The following BTBD1 variants were observed in gnomAD, a reference collection of about 807,000 sequenced individuals.
The protein encoded by BTBD1 is BTB domain containing 1.
Under a neutral mutation model 48.0 loss-of-function variants are expected in BTBD1, and 34 were observed. The ratio of observed to expected loss-of-function variants is 0.71; its 90% CI spans 0.54 to 0.94. The LOEUF is 0.94. Among genes scored for constraint, BTBD1 ranks in the 40% least tolerant of loss-of-function variants. The pLI, the probability that BTBD1 is intolerant of heterozygous loss-of-function variation, is 0.00. For missense variants in BTBD1, 543 were observed against 625.6 expected (o/e 0.87, Z 1.41); for synonymous variants, 261 against 242.1 (o/e 1.08, Z -0.72).
intron 6 of BTBD1, chr15:83,020,274 A>C (rs1383891614): frequency 2.6e-5 from 4 of 156,604 alleles, no homozygotes; most frequent in African/African-American, 9.6e-5. Context: ...CTGTCTCAAA[A>C]AAAAGTAACC....
At chr15:83,049,320 G>A (rs2151309806) in intron 3 of BTBD1, among the ~76,000 whole-genome samples, 1 of 152,248 alleles carries the variant, frequency 6.6e-6, no homozygotes, top group East Asian at 1.9e-4. Flanking sequence ...AAACCACGAA[G>A]ATACAGGAGA....
chr15:83,044,773 A>C (rs530598560), intron 3 of BTBD1: 1 of 1,427,014 alleles, frequency 7.0e-7, no homozygotes, highest in East Asian at 2.3e-5. Flanking sequence ...GTAGAATAAA[A>C]ATTCCATCAT....
rs117393979 is a variant in BTBD1, at chr15:83,027,624, T to C, written c.1055+2512A>G. 6.9e-4 allele frequency among the ~76,000 whole-genome samples: 105 copies of C among 152,348 alleles called. 2 individuals carry two copies. In the East Asian group the frequency reaches 0.02, roughly 29 times the overall value. On this transcript the variant is annotated intron_variant, in intron 5 of 7. Coordinates refer to ENST00000261721, the MANE Select transcript of BTBD1 (RefSeq NM_025238.4). ...AGCCACAGCTGGAAACGTGCTGGTC[T>C]GGCAACTAAAGTCTTTGCTGAAAAC...
At chr15:83,049,091 A>T (rs759974806) in intron 3 of BTBD1, among the ~76,000 whole-genome samples, 1 of 152,208 alleles carries the variant, frequency 6.6e-6, no homozygotes, top group Non-Finnish European at 1.5e-5. Context: ...TTTTTACTTG[A>T]TAAATCATTT....
chr15:83,065,950 A>G (rs2033261182), intron 1 of BTBD1, among the ~76,000 whole-genome samples: 1 of 152,166 alleles, frequency 6.6e-6, no homozygotes, highest in African/African-American at 2.4e-5. Context: ...TTTCGTATTT[A>G]CTTTCCTGGG....
At chr15:83,058,085 A>G (rs566185010) in intron 1 of BTBD1, among the ~76,000 whole-genome samples, 1 of 152,332 alleles carries the variant, frequency 6.6e-6, no homozygotes, top group African/African-American at 2.4e-5. Context: ...GGCTAAGGGG[A>G]TGGTCTATAC....
chr15:83,062,200 A>T (rs2033187332), intron 1 of BTBD1, among the ~76,000 whole-genome samples: 1 of 152,228 alleles, frequency 6.6e-6, no homozygotes, highest in South Asian at 2.1e-4. Context: ...GAAGTCATTA[A>T]AAGATTCAGG....
intron 3 of BTBD1, among the ~76,000 whole-genome samples, chr15:83,042,842 G>A (rs527862954): frequency 6.6e-6 from 1 of 152,306 alleles, no homozygotes; most frequent in South Asian, 2.1e-4. Context: ...CAGAAATGCA[G>A]TTTAAAATAG....
Position 83,025,290 on chromosome 15 carries a change from G to A in BTBD1, c.1056-4528C>T, listed in dbSNP as rs138452285. 4.4e-3 allele frequency among the ~76,000 whole-genome samples: 654 copies of A among 147,476 alleles called. 5 individuals carry two copies. The highest frequency in any genetic ancestry group is 0.012 in the African/African-American group (459 of 39,506). ...GAATAATTACTTGAACTCAGGAGGC[G>A]GAGGTTGCAGTGAGCCCAGATCTCA... On this transcript the variant is annotated intron_variant, in intron 5 of 7. Coordinates refer to ENST00000261721, the MANE Select transcript of BTBD1 (RefSeq NM_025238.4).
intron 2 of BTBD1, among the ~76,000 whole-genome samples, chr15:83,052,518 G>A (rs2033006957): frequency 6.6e-6 from 1 of 151,858 alleles, no homozygotes; most frequent in Admixed American, 6.6e-5. Flanking sequence ...TTGCCCCAAC[G>A]TTTTTTAATA....
At chr15:83,053,629 C>T (rs920516670) in intron 2 of BTBD1, among the ~76,000 whole-genome samples, 1 of 152,182 alleles carries the variant, frequency 6.6e-6, no homozygotes, top group Non-Finnish European at 1.5e-5. Flanking sequence ...TGCATTAAAA[C>T]TCCTTGGACA....
chr15:83,041,672 C>T, intron 4 of BTBD1, 56 bp downstream of exon 4: 2 of 1,544,232 alleles, frequency 1.3e-6, no homozygotes, highest in South Asian at 1.1e-5. Flanking sequence ...CCAGGCCCAG[C>T]CCTGACAGAC....
At chr15:83,057,396 TTAACA>T (rs2033105920) in intron 1 of BTBD1, among the ~76,000 whole-genome samples, 1 of 152,202 alleles carries the variant, frequency 6.6e-6, no homozygotes, top group South Asian at 2.1e-4. Flanking sequence ...GTTGTGAGGA[TTAACA>T]TAAATTAAAA....
intron 1 of BTBD1, among the ~76,000 whole-genome samples, chr15:83,062,104 G>A (rs954090826): frequency 1.3e-5 from 2 of 152,170 alleles, no homozygotes; most frequent in Admixed American, 6.5e-5. Context: ...AACACTGAGT[G>A]GATGGAGAGG....
chr15:83,019,035 T>A (rs1453592520), intron 6 of BTBD1, among the ~76,000 whole-genome samples, 182 bp from the exon 7 acceptor site: 1 of 150,414 alleles, frequency 6.6e-6, no homozygotes, highest in Non-Finnish European at 1.5e-5. Flanking sequence ...TGAGACAGAC[T>A]CTCTCACTCT....
chr15:83,044,372 C>T, intron 3 of BTBD1: 1 of 1,535,254 alleles, frequency 6.5e-7, no homozygotes, highest in South Asian at 1.2e-5. Context: ...CCCACCATGG[C>T]CACAGTTCAG....
At position 83,067,238 on chromosome 15, in the gene BTBD1, C is replaced by T; in HGVS notation, c.-87G>A. ...TCCGGAGGCCGGCGCTGCCTCCCTG[C>T]CTTCCGGGAAAGGCGCTTCCGGGGG... On this transcript the variant is annotated 5_prime_UTR_variant, in exon 1 of 8. Transcript: ENST00000261721. 1.6e-6 allele frequency: 2 copies of T among 1,273,600 alleles called. No individual in the cohort carries two copies. Among genetic ancestry groups the T allele is most frequent in the South Asian group, 2.3e-5 (1 of 44,258 alleles). The allele number at this position is 1,273,600 out of a possible 1,614,324, so 78.9% of individuals were successfully genotyped here.
chr15:83,066,067 G>T (rs1334999990), intron 1 of BTBD1, among the ~76,000 whole-genome samples: 13 of 152,130 alleles, frequency 8.5e-5, no homozygotes, highest in Non-Finnish European at 1.9e-4. Flanking sequence ...CGAGGTGGAC[G>T]GATCGCTTGA....
At chr15:83,055,463 G>T (rs377509525) in intron 2 of BTBD1, among the ~76,000 whole-genome samples, 6 of 151,994 alleles carry the variant, frequency 3.9e-5, no homozygotes, top group East Asian at 1.9e-4. Context: ...TTGCCTTGTT[G>T]GCCAGGCTGG....
Sources: gnomAD v4.1 joint callset for allele counts (sites outside exome capture counted in the v4.1 genomes callset) on GRCh38, gnomAD v4.1.1 for gene constraint, MANE v1.5 for transcripts, NCBI Gene and HGNC (gene_info 2026-07-23, HGNC 2026-07-21) for gene names.